Variants in VSTM2L observed in about 807,000 individuals in gnomAD.
VSTM2L encodes V-set and transmembrane domain-containing protein 2-like protein.
In VSTM2L, 9 loss-of-function variants were observed where a neutral mutation model predicts 19.9. The ratio of observed to expected loss-of-function variants is 0.45; its 90% CI spans 0.27 to 0.79. The LOEUF is 0.79. Ranked by LOEUF, VSTM2L falls within the 30% of genes least tolerant of loss-of-function variation. The pLI is 0.15. For synonymous variants in VSTM2L, 127 were observed against 133.8 expected, an observed-to-expected ratio of 0.95 and a Z score of 0.35; for missense variants, 286 against 295.5, an observed-to-expected ratio of 0.97 and a Z score of 0.24.
intron 1 of VSTM2L, among the ~76,000 whole-genome samples, chr20:37,907,267 C>A (rs1250213669): frequency 1.3e-5 from 2 of 152,116 alleles, no homozygotes; most frequent in Non-Finnish European, 2.9e-5. Flanking sequence ...CTACCACCCT[C>A]AGCTAATTTT....
chr20:37,934,592 T>C (rs1010326001), intron 3 of VSTM2L, among the ~76,000 whole-genome samples: 50 of 152,298 alleles, frequency 3.3e-4, no homozygotes, highest in African/African-American at 1.2e-3. Context: ...TCACCCTTTT[T>C]TGCTTGATTC....
chr20:37,920,651 G>A (rs549301904), intron 1 of VSTM2L, among the ~76,000 whole-genome samples: 5 of 152,136 alleles, frequency 3.3e-5, no homozygotes, highest in East Asian at 1.9e-4. Flanking sequence ...GGAGGAGGCC[G>A]GCCTGCCAAG....
intron 1 of VSTM2L, among the ~76,000 whole-genome samples, chr20:37,909,720 A>G (rs1018465347): frequency 6.6e-6 from 1 of 152,182 alleles, no homozygotes. Flanking sequence ...CTTGGGGTGC[A>G]TATGTGATGC....
intron 1 of VSTM2L, among the ~76,000 whole-genome samples, chr20:37,904,131 T>G (rs2072738112): frequency 6.6e-6 from 1 of 152,184 alleles, no homozygotes; most frequent in African/African-American, 2.4e-5. Flanking sequence ...CCTTGTTTCT[T>G]GAGAACTGGT....
chr20:37,907,058 G>A (rs543087800), intron 1 of VSTM2L, among the ~76,000 whole-genome samples: 5 of 152,194 alleles, frequency 3.3e-5, no homozygotes, highest in African/African-American at 9.6e-5. Flanking sequence ...CCCCAAACCC[G>A]CTGCCAGAAT....
intron 1 of VSTM2L, among the ~76,000 whole-genome samples, chr20:37,905,444 G>C (rs1289204998): frequency 6.6e-6 from 1 of 152,150 alleles, no homozygotes; most frequent in Non-Finnish European, 1.5e-5. Flanking sequence ...CTGTCCCCTG[G>C]TGCCAGGTAA....
Position 37,914,449 on chromosome 20 carries a change from G to A in VSTM2L, c.121+10978G>A, listed in dbSNP as rs973878965. Reference sequence around the variant, plus strand: ...GTGTGTATTGTGTGTATGTGTATGTGTGTGTGTATTGTGTGTATGTGTGTA... The same window carrying A: ...GTGTGTATTGTGTGTATGTGTATGTATGTGTGTATTGTGTGTATGTGTGTA... On this transcript the variant is annotated intron_variant, in intron 1 of 3. Coordinates refer to ENST00000373461, the MANE Select transcript of VSTM2L (RefSeq NM_080607.3). 1.9e-3 allele frequency among the ~76,000 whole-genome samples: 10 copies of A among 5,244 alleles called. No individual in the cohort carries two copies. The East Asian group carries it at 0.043, about 22-fold the overall frequency. 3.4% of individuals were successfully genotyped at this position (5,244 alleles called of 152,430 possible). A position where few individuals can be genotyped will look rare whatever the true frequency, so the allele number is the denominator to read the frequency against.
chr20:37,918,754 C>T (rs2072834024), intron 1 of VSTM2L, among the ~76,000 whole-genome samples: 1 of 152,158 alleles, frequency 6.6e-6, no homozygotes, highest in African/African-American at 2.4e-5. Context: ...TCTGAGTCCC[C>T]TCTGACTGTG....
At chr20:37,922,650 C>T (rs1433586403) in intron 1 of VSTM2L, among the ~76,000 whole-genome samples, 2 of 152,146 alleles carry the variant, frequency 1.3e-5, no homozygotes, top group African/African-American at 4.8e-5. Flanking sequence ...GAGGAGGCAG[C>T]CTCCCACCAG....
In VSTM2L at chr20:37,916,164, C is replaced by T. The variant is rs370497819; in HGVS notation, c.121+12693C>T. ...AGGCTCAAATCCTGCCCCGCTCCAG[C>T]CTCTCTGAGCCTCGTTATGCATCCG... On this transcript the variant is annotated intron_variant, in intron 1 of 3. Coordinates refer to ENST00000373461, the MANE Select transcript of VSTM2L (RefSeq NM_080607.3). 2.3e-3 allele frequency among the ~76,000 whole-genome samples: 345 copies of T among 152,376 alleles called. 4 individuals are homozygous for T. The highest frequency in any genetic ancestry group is 7.7e-3 in the African/African-American group (322 of 41,596).
chr20:37,908,206 C>T lies in VSTM2L; in HGVS notation c.121+4735C>T, dbSNP rs115581111. 9.0e-3 allele frequency among the ~76,000 whole-genome samples: 1,369 copies of T among 152,296 alleles called. 22 individuals are homozygous for T. The highest frequency in any genetic ancestry group is 0.031 in the African/African-American group (1,299 of 41,558). ...AGCCTTTTCCCCAAACAAGAGAAGC[C>T]GCAGGCGGCCAGCAGGACGCAGGGA... On this transcript the variant is annotated intron_variant, in intron 1 of 3. Coordinates refer to ENST00000373461, the MANE Select transcript of VSTM2L (RefSeq NM_080607.3).
At chr20:37,936,740 G>T (rs892997098) in intron 3 of VSTM2L, among the ~76,000 whole-genome samples, 1 of 152,136 alleles carries the variant, frequency 6.6e-6, no homozygotes, top group Non-Finnish European at 1.5e-5. Context: ...CCACCTCCTC[G>T]ACTCTCCCTT....
chr20:37,914,374 G>GCGTA (rs2072800625), intron 1 of VSTM2L, among the ~76,000 whole-genome samples: 1 of 149,952 alleles, frequency 6.7e-6, no homozygotes, highest in Non-Finnish European at 1.5e-5. Flanking sequence ...ATATATGTGT[G>GCGTA]TGGGTGTATG....
At chr20:37,903,584 C>T in intron 1 of VSTM2L, 113 bp downstream of exon 1, 1 of 1,300,500 alleles carries the variant, frequency 7.7e-7, no homozygotes, top group Non-Finnish European at 9.8e-7. Flanking sequence ...GCGGGCATCC[C>T]GGGGCGCCCC....
At chr20:37,915,051 T>C (rs1174668545) in intron 1 of VSTM2L, among the ~76,000 whole-genome samples, 3 of 152,212 alleles carry the variant, frequency 2.0e-5, no homozygotes, top group Admixed American at 6.5e-5. Context: ...TTGCCGCCTG[T>C]CGTCGGTCCG....
At chr20:37,920,725 C>A (rs2122953958) in intron 1 of VSTM2L, among the ~76,000 whole-genome samples, 1 of 152,358 alleles carries the variant, frequency 6.6e-6, no homozygotes, top group East Asian at 1.9e-4. Flanking sequence ...CCTATCCCTG[C>A]TCCTGTGGGC....
chr20:37,935,929 G>GC (rs2072937251), intron 3 of VSTM2L, among the ~76,000 whole-genome samples: 1 of 149,110 alleles, frequency 6.7e-6, no homozygotes, highest in Admixed American at 6.7e-5. Flanking sequence ...TTGTCACCCA[G>GC]GCTGGAGTGC....
intron 1 of VSTM2L, among the ~76,000 whole-genome samples, chr20:37,914,441 GTGTA>G (rs1213100032): frequency 6.5e-4 from 3 of 4,630 alleles, no homozygotes; most frequent in East Asian, 0.033. Flanking sequence ...TTGTGTGTAT[GTGTA>G]TGTGTGTGTG....
intron 3 of VSTM2L, 151 bp from the exon 4 acceptor site, chr20:37,943,830 T>C (rs1036388673): frequency 2.0e-5 from 15 of 764,272 alleles, no homozygotes; most frequent in Non-Finnish European, 1.6e-5. Flanking sequence ...TTTTGCTATT[T>C]AACTCACTCT....
Sources: allele counts gnomAD v4.1 joint callset (sites outside exome capture counted in the v4.1 genomes callset), GRCh38; gene constraint gnomAD v4.1.1; transcripts MANE v1.5; gene names NCBI Gene and HGNC (gene_info 2026-07-23, HGNC 2026-07-21).